MAST4: variants seen among roughly 807,000 people sequenced by gnomAD.
MAST4 encodes the protein microtubule associated serine/threonine kinase family member 4, also known as microtubule-associated serine/threonine-protein kinase 4.
MAST4 carries 89 observed loss-of-function variants against 162.7 expected under a neutral mutation model. That is an observed-to-expected ratio of 0.55 (90% CI 0.46 to 0.65). MAST4 has a LOEUF of 0.65. MAST4 is among the 30% of genes least tolerant of loss of function. MAST4 has a pLI of 0.00. For synonymous variants in MAST4, 1,479 were observed against 1,361.1 expected (o/e 1.09, Z -1.91); for missense variants, 3,153 against 3,374.0 (o/e 0.93, Z 1.62).
Position 67,162,594 on chromosome 5 carries a change from T to C in MAST4, c.3786-13T>C, listed in dbSNP as rs960093142. 7 of 1,612,874 alleles carry C rather than the reference T, an allele frequency of 4.3e-6. No homozygotes were observed. Among genetic ancestry groups the C allele is most frequent in the Non-Finnish European group, 5.9e-6 (7 of 1,179,250 alleles). On this transcript the variant is annotated splice_polypyrimidine_tract_variant and intron_variant, in intron 27 of 28. Coordinates refer to ENST00000403625, the MANE Select transcript of MAST4 (RefSeq NM_001164664.2). ...GAAAGAAGACTGAACAATTTTTTCCTGTTTTTCTGTAGGAGGAGATCTCTT... is the reference window on the plus strand; with the variant it reads ...GAAAGAAGACTGAACAATTTTTTCCCGTTTTTCTGTAGGAGGAGATCTCTT...
rs117187068 is a variant in MAST4, at chr5:66,827,284, T to C, written c.642+38490T>C. On this transcript the variant is annotated intron_variant, in intron 3 of 28. Transcript: ENST00000403625. ...AGAGATGATATTACTCCTCCACATA[T>C]AAGCGAGAGCTAAAAACTCTCTGGG... is the stretch of plus-strand genomic sequence containing the variant. Among the ~76,000 whole-genome samples the C allele has an allele frequency of 1.2e-3, 179 of 152,324 alleles. 9 individuals carry two copies. In the East Asian group the frequency reaches 0.032, roughly 28 times the overall value.
chr5:66,750,640 G>A (rs901503015), intron 1 of MAST4, among the ~76,000 whole-genome samples: 1 of 152,248 alleles, frequency 6.6e-6, no homozygotes, highest in Non-Finnish European at 1.5e-5. Flanking sequence ...GGCTCTGAGG[G>A]TCCTACGCCC....
At position 66,800,483 on chromosome 5, in the gene MAST4, G is replaced by C. The variant is rs188634640; in HGVS notation, c.642+11689G>C. Among the ~76,000 whole-genome samples, 6 of 152,224 alleles carry C rather than the reference G, an allele frequency of 3.9e-5. No individual in the cohort carries two copies. The East Asian group carries it at 1.2e-3, about 30-fold the overall frequency. On this transcript the variant is annotated intron_variant, in intron 3 of 28. Coordinates refer to ENST00000403625, the MANE Select transcript of MAST4 (RefSeq NM_001164664.2). ...TGTATGTTCTAACTTATAAGTGGGA[G>C]CTAAATGATGAGAACACGTGGGCAC...
intron 1 of MAST4, among the ~76,000 whole-genome samples, chr5:66,623,941 C>A (rs1744240465): frequency 6.6e-6 from 1 of 152,090 alleles, no homozygotes; most frequent in African/African-American, 2.4e-5. Flanking sequence ...CATACAAAAA[C>A]AGTGGCATAT....
chr5:66,599,918 GGTGTGTGTGT>G (rs58314259), intron 1 of MAST4, among the ~76,000 whole-genome samples: 1 of 149,974 alleles, frequency 6.7e-6, no homozygotes, highest in Admixed American at 6.6e-5. Flanking sequence ...TTTCTAAAGG[GGTGTGTGTGT>G]GTGTGTGTGT....
intron 4 of MAST4, among the ~76,000 whole-genome samples, chr5:66,906,441 C>T (rs1763361524): frequency 6.6e-6 from 1 of 152,164 alleles, no homozygotes; most frequent in African/African-American, 2.4e-5. Flanking sequence ...TCTATTAGGG[C>T]TGGCCTTGGA....
At chr5:66,921,797 T>C (rs1444600381) in intron 4 of MAST4, among the ~76,000 whole-genome samples, 1 of 152,174 alleles carries the variant, frequency 6.6e-6, no homozygotes, top group Non-Finnish European at 1.5e-5. Flanking sequence ...TTTGCATGCA[T>C]TAATTATCAA....
At chr5:66,723,323 A>G (rs1358874523) in intron 1 of MAST4, among the ~76,000 whole-genome samples, 1 of 152,154 alleles carries the variant, frequency 6.6e-6, no homozygotes, top group Non-Finnish European at 1.5e-5. Flanking sequence ...AGTGGGATCT[A>G]TTTTAGATTC....
At position 67,165,068 on chromosome 5, in the gene MAST4, C is replaced by G. The variant is rs968795923; in HGVS notation, c.5889C>G (p.Pro1963=). 7 of 1,601,348 alleles carry G rather than the reference C, an allele frequency of 4.4e-6. No homozygotes were observed. Among genetic ancestry groups the G allele is most frequent in the Non-Finnish European group, 3.4e-6 (4 of 1,174,056 alleles). Residue 1963 remains proline, a synonymous_variant, in exon 29 of 29, where the codon CCC becomes CCG. Coordinates refer to ENST00000403625, the MANE Select transcript of MAST4 (RefSeq NM_001164664.2). The stretch of plus-strand genomic sequence containing the variant: ...GCCCGCTCCCACCTGAAGCTTCCCC[C>G]TCAAGGGAGAAGCCAGGCCTGAGGG... ...PRCPLPPEAS[P]SREKPGLRES...
At chr5:66,925,245 G>A (rs957171467) in intron 4 of MAST4, among the ~76,000 whole-genome samples, 3 of 152,180 alleles carry the variant, frequency 2.0e-5, no homozygotes, top group Non-Finnish European at 4.4e-5. Context: ...AAAAAGCCAG[G>A]AGAGCTAAGT....
chr5:67,102,741 GTCT>G, intron 9 of MAST4, 130 bp downstream of exon 9: 2 of 716,370 alleles, frequency 2.8e-6, no homozygotes, highest in East Asian at 2.5e-5. Flanking sequence ...CAGCTCCATA[GTCT>G]TCTTAGAAAG....
chr5:67,054,555 T>A lies in MAST4; in HGVS notation c.763+63T>A, dbSNP rs564413297. 513 of 1,380,720 alleles carry A rather than the reference T, an allele frequency of 3.7e-4. 2 individuals are homozygous for A. In the African/African-American group the frequency reaches 6.8e-3, roughly 18 times the overall value. 85.5% of individuals were successfully genotyped at this position (1,380,720 alleles called of 1,614,324 possible). On this transcript the variant is annotated intron_variant, in intron 5 of 28. Coordinates refer to ENST00000403625, the MANE Select transcript of MAST4 (RefSeq NM_001164664.2). ...TTTATTTGTTGGTTTTTTAAAATAA[T>A]TAATGCATTTTGATATTTGGTATGT...
intron 4 of MAST4, among the ~76,000 whole-genome samples, chr5:66,982,042 T>C (rs1409904888): frequency 6.6e-6 from 1 of 152,118 alleles, no homozygotes; most frequent in Non-Finnish European, 1.5e-5. Flanking sequence ...ATAGGTAGAG[T>C]TGTTTGATGA....
intron 5 of MAST4, among the ~76,000 whole-genome samples, chr5:67,078,923 T>A (rs1368268139): frequency 0.013 from 1,091 of 81,722 alleles, 99 homozygotes; most frequent in African/African-American, 0.064. Flanking sequence ...TATATATATA[T>A]ATATATATAT....
At chr5:66,830,172 T>G (rs865804465) in intron 3 of MAST4, among the ~76,000 whole-genome samples, 17 of 152,234 alleles carry the variant, frequency 1.1e-4, no homozygotes, top group African/African-American at 4.1e-4. Context: ...TAGTTCAGAT[T>G]ATTAGTGACT....
chr5:66,777,423 C>T (rs1191322600), intron 2 of MAST4, among the ~76,000 whole-genome samples: 1 of 152,158 alleles, frequency 6.6e-6, no homozygotes, highest in Non-Finnish European at 1.5e-5. Flanking sequence ...GGTATCATCG[C>T]CATTGTACAG....
At chr5:67,000,286 T>C (rs1032509669) in intron 4 of MAST4, among the ~76,000 whole-genome samples, 14 of 152,242 alleles carry the variant, frequency 9.2e-5, no homozygotes, top group African/African-American at 3.4e-4. Context: ...TAGTGTCTTA[T>C]TGGGCATGGC....
chr5:66,712,384 A>G (rs916581518), intron 1 of MAST4, among the ~76,000 whole-genome samples: 2 of 152,198 alleles, frequency 1.3e-5, no homozygotes, highest in African/African-American at 4.8e-5. Flanking sequence ...TTCCAGAATT[A>G]CACCCATTGT....
intron 4 of MAST4, among the ~76,000 whole-genome samples, chr5:67,000,591 C>G (rs1164478940): frequency 6.6e-6 from 1 of 151,878 alleles, no homozygotes; most frequent in Non-Finnish European, 1.5e-5. Flanking sequence ...ACTAAAAATA[C>G]AAAAAAATTA....
Sources: allele counts gnomAD v4.1 joint callset (sites outside exome capture counted in the v4.1 genomes callset), GRCh38; gene constraint gnomAD v4.1.1; transcripts MANE v1.5; gene names NCBI Gene and HGNC (gene_info 2026-07-23, HGNC 2026-07-21).